RDH12: variants seen among roughly 807,000 people sequenced by gnomAD.
RDH12 encodes retinol dehydrogenase 12, also known as all-trans and 9-cis retinol dehydrogenase.
Under a neutral mutation model 34.0 loss-of-function variants are expected in RDH12, and 21 were observed. The ratio of observed to expected loss-of-function variants is 0.62; its 90% CI spans 0.44 to 0.89. The LOEUF is 0.89. RDH12 is among the 40% of genes least tolerant of loss of function. RDH12 has a pLI of 0.00. For synonymous variants in RDH12, 198 were observed against 169.9 expected (o/e 1.17, Z -1.29); for missense variants, 394 against 398.6 (o/e 0.99, Z 0.10).
chr14:67,703,712 G>A (rs1053110842), intron 1 of RDH12, among the ~76,000 whole-genome samples: 1 of 152,144 alleles, frequency 6.6e-6, no homozygotes, highest in African/African-American at 2.4e-5. Context: ...GTTTCACTCT[G>A]TTGCCCAGGC....
At chr14:67,730,165 T>C (rs2038251024) in intron 8 of RDH12, among the ~76,000 whole-genome samples, 1 of 152,226 alleles carries the variant, frequency 6.6e-6, no homozygotes, top group Non-Finnish European at 1.5e-5. Context: ...GCAGGTAATA[T>C]TACCCCAAGT....
At chr14:67,731,110 T>G (rs921482850) in intron 8 of RDH12, among the ~76,000 whole-genome samples, 1 of 152,138 alleles carries the variant, frequency 6.6e-6, no homozygotes, top group African/African-American at 2.4e-5. Flanking sequence ...CTAAATAAAT[T>G]TCACCAATTT....
At chr14:67,724,256 G>A (rs1259385618) in intron 3 of RDH12, among the ~76,000 whole-genome samples, 1 of 152,108 alleles carries the variant, frequency 6.6e-6, no homozygotes, top group Non-Finnish European at 1.5e-5. Context: ...TGTGGCTTCT[G>A]GGCAAGTGAT....
intron 6 of RDH12, 101 bp downstream of exon 6, chr14:67,726,256 G>A: frequency 1.3e-6 from 1 of 796,160 alleles, no homozygotes; most frequent in Non-Finnish European, 2.3e-6. Context: ...GGCCTTCATA[G>A]AGCCTAGGAA....
At position 67,704,883 on chromosome 14, in the gene RDH12, T is replaced by G. The variant is rs572427724; in HGVS notation, c.-275+2948T>G. 7.9e-5 allele frequency among the ~76,000 whole-genome samples: 12 copies of G among 152,278 alleles called. No individual in the cohort carries two copies. In the South Asian group the frequency reaches 2.5e-3, roughly 32 times the overall value. On this transcript the variant is annotated intron_variant, in intron 1 of 8. Coordinates refer to ENST00000551171, the MANE Select transcript of RDH12 (RefSeq NM_152443.3). The stretch of plus-strand genomic sequence containing the variant: ...TCAACCAAGACAGGAACTTCATTGA[T>G]TTCAGGAGGAACTCATCTGTAGCAC...
chr14:67,733,516 A>G (rs949684520), intron 8 of RDH12, among the ~76,000 whole-genome samples: 1 of 152,186 alleles, frequency 6.6e-6, no homozygotes, highest in Admixed American at 6.5e-5. Context: ...TGATTATTAG[A>G]CCTGGTACTA....
At chr14:67,721,159 G>A (rs1182908531) in intron 2 of RDH12, among the ~76,000 whole-genome samples, 1 of 152,158 alleles carries the variant, frequency 6.6e-6, no homozygotes, top group East Asian at 1.9e-4. Flanking sequence ...GTTCCTGGAG[G>A]CTCCTCTGGC....
intron 1 of RDH12, among the ~76,000 whole-genome samples, chr14:67,716,143 G>GC (rs2038067383): frequency 6.6e-6 from 1 of 151,166 alleles, no homozygotes; most frequent in Admixed American, 6.6e-5. Flanking sequence ...CTTGCAGTGG[G>GC]CCGAGATCAC....
At chr14:67,725,705 G>C (rs1172682935) in intron 5 of RDH12, among the ~76,000 whole-genome samples, 1 of 152,208 alleles carries the variant, frequency 6.6e-6, no homozygotes, top group African/African-American at 2.4e-5. Flanking sequence ...TGGATTCCTA[G>C]TGCCCAGCAG....
chr14:67,710,313 G>T, intron 1 of RDH12, among the ~76,000 whole-genome samples: 1 of 152,034 alleles, frequency 6.6e-6, no homozygotes, highest in East Asian at 1.9e-4. Context: ...CACAGATGTA[G>T]TAACCTTAAT....
chr14:67,731,555 C>G, intron 8 of RDH12, among the ~76,000 whole-genome samples: 1 of 151,758 alleles, frequency 6.6e-6, no homozygotes, highest in East Asian at 1.9e-4. Flanking sequence ...ACTCTAGAGT[C>G]TGAGTGTTTA....
chr14:67,711,742 A>T (rs1311668199), intron 1 of RDH12, among the ~76,000 whole-genome samples: 1 of 152,212 alleles, frequency 6.6e-6, no homozygotes, highest in Non-Finnish European at 1.5e-5. Flanking sequence ...TTAAATTTTC[A>T]TATTAAAGGA....
intron 3 of RDH12, among the ~76,000 whole-genome samples, 189 bp from the exon 4 acceptor site, chr14:67,724,284 T>C (rs575383816): frequency 6.6e-6 from 1 of 152,288 alleles, no homozygotes; most frequent in East Asian, 1.9e-4. Flanking sequence ...CCTGCACCGA[T>C]AAACAGGCGA....
At chr14:67,724,853 A>G (rs2038166270) in intron 4 of RDH12, among the ~76,000 whole-genome samples, 1 of 152,194 alleles carries the variant, frequency 6.6e-6, no homozygotes, top group African/African-American at 2.4e-5. Context: ...CTAAAAGGAG[A>G]TACTAAGTGA....
At position 67,725,942 on chromosome 14, in the gene RDH12, C is replaced by G. The variant is rs1566847370; in HGVS notation, c.344-109C>G. The G allele has an allele frequency of 3.7e-6, 3 of 819,340 alleles. No individual in the cohort carries two copies. In the African/African-American group the frequency reaches 5.0e-5, roughly 14 times the overall value. 50.8% of individuals were successfully genotyped at this position (819,340 alleles called of 1,614,324 possible). ...AAGTGACTCCTATCAAAATGTTACCCCAACAAAGACAACTAATGAACAAAG... is the reference window on the plus strand; with the variant it reads ...AAGTGACTCCTATCAAAATGTTACCGCAACAAAGACAACTAATGAACAAAG... On this transcript the variant is annotated intron_variant, in intron 5 of 8. Coordinates refer to ENST00000551171, the MANE Select transcript of RDH12 (RefSeq NM_152443.3).
intron 1 of RDH12, among the ~76,000 whole-genome samples, chr14:67,713,941 C>A (rs2038039577): frequency 6.6e-6 from 1 of 152,054 alleles, no homozygotes; most frequent in South Asian, 2.1e-4. Flanking sequence ...AAAGAGGCAA[C>A]CAGATATGCA....
Position 67,722,629 on chromosome 14 carries a change from C to T in RDH12, c.-14C>T, listed in dbSNP as rs1240762565. On this transcript the variant is annotated 5_prime_UTR_variant, in exon 3 of 9. Transcript: ENST00000551171. ...GCAGCAGCAAAAGCAACAGCAGCTA[C>T]AGAAGTTGGAACGATGCTGGTCACC... 1.7e-5 allele frequency: 27 copies of T among 1,612,726 alleles called. No homozygotes were observed. The highest frequency in any genetic ancestry group is 2.3e-5 in the Non-Finnish European group (27 of 1,178,818).
chr14:67,713,550 A>T (rs1014608109), intron 1 of RDH12, among the ~76,000 whole-genome samples: 1 of 152,206 alleles, frequency 6.6e-6, no homozygotes, highest in Non-Finnish European at 1.5e-5. Context: ...AAGTTAGCTC[A>T]TGCTGGTACC....
chr14:67,713,212 A>G (rs561764695), intron 1 of RDH12, among the ~76,000 whole-genome samples: 111 of 152,072 alleles, frequency 7.3e-4, no homozygotes, highest in South Asian at 1.5e-3. Flanking sequence ...TCAGGCTGAA[A>G]ACAACTCTCT....
Sources: allele counts gnomAD v4.1 joint callset (sites outside exome capture counted in the v4.1 genomes callset), GRCh38; gene constraint gnomAD v4.1.1; transcripts MANE v1.5; gene names NCBI Gene and HGNC (gene_info 2026-07-23, HGNC 2026-07-21).